The following SGCD variants were observed in gnomAD, a reference collection of about 807,000 sequenced individuals.
The protein encoded by SGCD is delta-sarcoglycan.
A neutral mutation model predicts 36.6 loss-of-function variants in SGCD; 18 were observed. The observed-to-expected ratio is 0.49, with a 90% confidence interval of 0.34 to 0.73. SGCD has a LOEUF of 0.73. SGCD is among the 30% of genes least tolerant of loss of function. The pLI, the probability that SGCD is intolerant of heterozygous loss-of-function variation, is 0.01. For synonymous variants in SGCD, 133 were observed against 130.6 expected (o/e 1.02, Z -0.12); for missense variants, 387 against 346.7 (o/e 1.12, Z -0.92).
At chr5:156,577,978 A>C (rs1280005308) in intron 4 of SGCD, among the ~76,000 whole-genome samples, 1 of 152,206 alleles carries the variant, frequency 6.6e-6, no homozygotes, top group African/African-American at 2.4e-5. Flanking sequence ...GAGAGAGGGC[A>C]TCCCTGTTTT....
chr5:156,582,341 C>G (rs899406406), intron 4 of SGCD, among the ~76,000 whole-genome samples: 53 of 152,170 alleles, frequency 3.5e-4, no homozygotes, highest in Admixed American at 3.5e-3. Flanking sequence ...GAACAAAGAT[C>G]TAGTACCTTT....
At chr5:155,858,745 T>G in the SGCD span, among the ~76,000 whole-genome samples, 1 of 152,216 alleles carries the variant, frequency 6.6e-6, no homozygotes, top group South Asian at 2.1e-4. Flanking sequence ...GATTAGAACC[T>G]GATTCAAGGT....
chr5:156,229,300 A>ATATACATACATATATATATATATAT (rs1477607808), intron 3 of SGCD, among the ~76,000 whole-genome samples: 1 of 126,176 alleles, frequency 7.9e-6, no homozygotes, highest in East Asian at 2.1e-4. Flanking sequence ...ATATATATAT[A>ATATACATACATATATATATATATAT]AAATTAGTTC....
At chr5:156,217,190 C>G (rs1197212556) in intron 3 of SGCD, among the ~76,000 whole-genome samples, 1 of 152,178 alleles carries the variant, frequency 6.6e-6, no homozygotes, top group Non-Finnish European at 1.5e-5. Context: ...GGGTACGTGA[C>G]TCTTTAAACA....
At chr5:156,652,400 G>C (rs1350981140) in intron 7 of SGCD, among the ~76,000 whole-genome samples, 3 of 152,066 alleles carry the variant, frequency 2.0e-5, no homozygotes, top group Non-Finnish European at 4.4e-5. Context: ...AAGGCATGAG[G>C]ATGGCTTGAG....
At chr5:156,191,728 T>C (rs13357629) in intron 3 of SGCD, among the ~76,000 whole-genome samples, 5,247 of 152,156 alleles carry the variant, frequency 0.034, 115 homozygotes, top group African/African-American at 0.062. Flanking sequence ...GAGAGAGACA[T>C]TCAAGCTGTC....
chr5:156,227,863 G>T (rs1252184612), intron 3 of SGCD, among the ~76,000 whole-genome samples: 1 of 152,060 alleles, frequency 6.6e-6, no homozygotes, highest in Non-Finnish European at 1.5e-5. Flanking sequence ...TCAGTTTGGA[G>T]AATTTTTTAA....
chr5:155,782,428 A>G, the SGCD span, among the ~76,000 whole-genome samples: 1 of 152,294 alleles, frequency 6.6e-6, no homozygotes, highest in East Asian at 1.9e-4. Flanking sequence ...AACAAAACAA[A>G]AAAAACACTT....
At chr5:156,626,849 C>T (rs978714877) in intron 6 of SGCD, among the ~76,000 whole-genome samples, 1 of 152,134 alleles carries the variant, frequency 6.6e-6, no homozygotes, top group African/African-American at 2.4e-5. Flanking sequence ...AAAGGCAGCT[C>T]TTCTTGGGGC....
chr5:156,623,364 C>T (rs1277268162), intron 6 of SGCD, among the ~76,000 whole-genome samples: 1 of 152,168 alleles, frequency 6.6e-6, no homozygotes, highest in African/African-American at 2.4e-5. Context: ...GATCCAGAAT[C>T]ATGAGCCCAA....
intron 3 of SGCD, among the ~76,000 whole-genome samples, chr5:156,287,661 GTA>G (rs1491020473): frequency 1.8e-4 from 26 of 146,146 alleles, no homozygotes; most frequent in Non-Finnish European, 3.0e-4. Flanking sequence ...GTGTGTGTGT[GTA>G]TGTGTGTATG....
chr5:156,257,891 T>A (rs1006032043), intron 3 of SGCD, among the ~76,000 whole-genome samples: 2 of 152,100 alleles, frequency 1.3e-5, no homozygotes, highest in African/African-American at 4.8e-5. Flanking sequence ...AACAAAAGAA[T>A]GCCCTTGATG....
chr5:156,236,578 T>C (rs1445957496), intron 3 of SGCD, among the ~76,000 whole-genome samples: 1 of 151,682 alleles, frequency 6.6e-6, no homozygotes, highest in Non-Finnish European at 1.5e-5. Flanking sequence ...GCCTCCCGAG[T>C]AGCTGGGACT....
chr5:156,224,946 TAA>T (rs1764812671), intron 3 of SGCD, among the ~76,000 whole-genome samples: 1 of 152,180 alleles, frequency 6.6e-6, no homozygotes, highest in Non-Finnish European at 1.5e-5. Flanking sequence ...GAGGCTGTTT[TAA>T]GACTGTTAGA....
At chr5:155,935,853 G>A in intron 1 of SGCD, among the ~76,000 whole-genome samples, 1 of 152,308 alleles carries the variant, frequency 6.6e-6, no homozygotes, top group South Asian at 2.1e-4. Context: ...GCCTGCCAAG[G>A]GTGAGCGGAG....
intron 3 of SGCD, among the ~76,000 whole-genome samples, chr5:156,502,297 C>T (rs928282934): frequency 1.3e-5 from 2 of 152,058 alleles, no homozygotes; most frequent in East Asian, 1.9e-4. Flanking sequence ...CCGCCCGCCT[C>T]GGCCTCCCAA....
the SGCD span, among the ~76,000 whole-genome samples, chr5:155,797,692 C>T: frequency 0.017 from 2,572 of 152,248 alleles, 81 homozygotes; most frequent in African/African-American, 0.057. Context: ...CAAAAAATCC[C>T]CAAGCTCTCA....
upstream of SGCD, among the ~76,000 whole-genome samples, chr5:156,322,938 T>C (rs763442920): frequency 3.3e-5 from 5 of 152,334 alleles, no homozygotes; most frequent in East Asian, 5.8e-4. Flanking sequence ...CTGGCTCACA[T>C]TGGAATCATC....
At chr5:156,069,968 G>A (rs1199595309) in intron 1 of SGCD, among the ~76,000 whole-genome samples, 1 of 151,916 alleles carries the variant, frequency 6.6e-6, no homozygotes, top group African/African-American at 2.4e-5. Flanking sequence ...TGTGATTTTT[G>A]TACATTGATT....
Sources: gnomAD v4.1 joint callset for allele counts (sites outside exome capture counted in the v4.1 genomes callset) on GRCh38, gnomAD v4.1.1 for gene constraint, MANE v1.5 for transcripts, NCBI Gene and HGNC (gene_info 2026-07-23, HGNC 2026-07-21) for gene names.